PRL: variants seen among roughly 807,000 people sequenced by gnomAD.
PRL encodes the protein prolactin.
PRL carries 24 observed loss-of-function variants against 21.3 expected under a neutral mutation model. The observed-to-expected ratio is 1.13, with a 90% CI of 0.82 to 1.59. The LOEUF (loss-of-function observed/expected upper bound fraction) is 1.59, where lower values mean the gene tolerates loss of function less well. Ranked by LOEUF, PRL falls within the 40% of genes most tolerant of loss-of-function variation. PRL has a pLI of 0.00. For synonymous variants in PRL, 118 were observed against 115.7 expected (o/e 1.02, Z -0.13); for missense variants, 243 against 286.9 (o/e 0.85, Z 1.10).
chr6:22,292,507 T>C (rs957642504), intron 3 of PRL, 31 bp downstream of exon 3: 4 of 1,593,568 alleles, frequency 2.5e-6, no homozygotes, highest in Middle Eastern at 1.7e-4. Context: ...GCCTTGGTTG[T>C]TTTGGTGCAA....
At chr6:22,297,079 T>G (rs1365108415), upstream of PRL, 19 of 1,255,978 alleles carry the variant, frequency 1.5e-5, no homozygotes, top group Non-Finnish European at 1.9e-5. Context: ...ACCTTTGATA[T>G]CTTCATGAAT....
At chr6:22,302,188 G>A (rs553787778), upstream of PRL, among the ~76,000 whole-genome samples, 2 of 152,180 alleles carry the variant, frequency 1.3e-5, no homozygotes, top group East Asian at 1.9e-4. Context: ...TTCAACAAAT[G>A]ATGCAAAGTT....
At chr6:22,296,073 T>C (rs1426563117) in intron 1 of PRL, among the ~76,000 whole-genome samples, 1 of 152,236 alleles carries the variant, frequency 6.6e-6, no homozygotes, top group African/African-American at 2.4e-5. Flanking sequence ...ATTTTATCTG[T>C]ATGTGTAAAT....
At chr6:22,298,367 C>G (rs2113519005), upstream of PRL, among the ~76,000 whole-genome samples, 1 of 152,302 alleles carries the variant, frequency 6.6e-6, no homozygotes, top group South Asian at 2.1e-4. Context: ...GTCCATGCAT[C>G]TAAAGCAGCC....
At chr6:22,292,873 C>T (rs1761084869) in intron 2 of PRL, among the ~76,000 whole-genome samples, 1 of 152,034 alleles carries the variant, frequency 6.6e-6, no homozygotes, top group Non-Finnish European at 1.5e-5. Flanking sequence ...AATGTTTTTC[C>T]TTCTTTGCAA....
At chr6:22,290,106 AT>A in intron 4 of PRL, 67 bp downstream of exon 4, 1 of 1,360,952 alleles carries the variant, frequency 7.3e-7, no homozygotes, top group Non-Finnish European at 9.7e-7. Flanking sequence ...AAAGGGAAAT[AT>A]TTATCATCAC....
At chr6:22,298,021 G>C (rs1761213079), upstream of PRL, among the ~76,000 whole-genome samples, 1 of 152,180 alleles carries the variant, frequency 6.6e-6, no homozygotes, top group Non-Finnish European at 1.5e-5. Context: ...TGATTTAAGA[G>C]TTTATTTTGG....
chr6:22,290,243 T>G lies in PRL; in HGVS notation c.423A>C (p.Leu141=). The G allele has an allele frequency of 6.2e-7, 1 of 1,613,054 alleles. No homozygotes were observed. Among genetic ancestry groups the G allele is most frequent in the Non-Finnish European group, 8.5e-7 (1 of 1,179,164 alleles). ...RGMQEAPEAI[L]SKAVEIEEQT... is the part of the protein sequence containing the mutation. ...GCTCCTCAATCTCTACAGCTTTGGA[T>G]AGGATAGCCTCCGGGGCTTCTTGCA... Residue 141 remains leucine (L), a synonymous_variant, in exon 4 of 5, where the codon CTA becomes CTC. Transcript: ENST00000306482.
upstream of PRL, among the ~76,000 whole-genome samples, chr6:22,299,636 C>T (rs887335026): frequency 4.6e-5 from 7 of 152,044 alleles, no homozygotes; most frequent in Non-Finnish European, 1.0e-4. Flanking sequence ...ATCAGGAGTT[C>T]GACACCAGTC....
upstream of PRL, among the ~76,000 whole-genome samples, chr6:22,300,781 T>C (rs900480215): frequency 2.0e-5 from 3 of 152,250 alleles, no homozygotes; most frequent in South Asian, 2.1e-4. Context: ...AAGAAAACCA[T>C]AGTGGAAGCA....
chr6:22,294,719 G>C (rs368927666), intron 1 of PRL, 135 bp from the exon 2 acceptor site: 1 of 938,640 alleles, frequency 1.1e-6, no homozygotes, highest in South Asian at 1.8e-5. Context: ...TGGCTGGGAT[G>C]GGGGAAGAAC....
chr6:22,301,945 T>A (rs1322434404), upstream of PRL, among the ~76,000 whole-genome samples: 1 of 152,134 alleles, frequency 6.6e-6, no homozygotes, highest in Non-Finnish European at 1.5e-5. Flanking sequence ...TTTTAAATGA[T>A]ATATGGGAAT....
In PRL at chr6:22,288,901, T is replaced by C. The variant is rs571466185; in HGVS notation, c.492+1273A>G. Reference sequence around the variant, plus strand: ...GCGCGTGCGCGTGTGTGTGCGTGTGTGCGCGCGCGTGTGTGTGCGTGCGCG... The same window carrying C: ...GCGCGTGCGCGTGTGTGTGCGTGTGCGCGCGCGCGTGTGTGTGCGTGCGCG... On this transcript the variant is annotated intron_variant, in intron 4 of 4. Coordinates refer to ENST00000306482, the MANE Select transcript of PRL (RefSeq NM_000948.6). This position sits in a 1 kb window ranked among gnomAD's most constrained non-coding sequence, Gnocchi z 4.5. Among the ~76,000 whole-genome samples, 85 of 149,776 alleles carry C rather than the reference T, an allele frequency of 5.7e-4. No homozygotes were observed. The highest frequency in any genetic ancestry group is 1.9e-3 in the African/African-American group (76 of 39,492).
chr6:22,290,041 TCTTG>T, intron 4 of PRL, 129 bp downstream of exon 4: 2 of 785,708 alleles, frequency 2.5e-6, no homozygotes, highest in Non-Finnish European at 3.6e-6. Context: ...ATGACTAGGC[TCTTG>T]CTTTATTTAA....
chr6:22,302,344 G>A (rs925003370), upstream of PRL, among the ~76,000 whole-genome samples: 1 of 151,210 alleles, frequency 6.6e-6, no homozygotes, highest in Admixed American at 6.6e-5. Flanking sequence ...AAAAGGATAT[G>A]TAGGCAACAA....
chr6:22,300,580 G>A (rs151116531), upstream of PRL, among the ~76,000 whole-genome samples: 250 of 152,234 alleles, frequency 1.6e-3, 2 homozygotes, highest in African/African-American at 5.8e-3. Flanking sequence ...CTCTTTGCTC[G>A]TTTAAACTCT....
At chr6:22,291,365 A>G (rs1041654583) in intron 3 of PRL, among the ~76,000 whole-genome samples, 1 of 152,222 alleles carries the variant, frequency 6.6e-6, no homozygotes, top group Non-Finnish European at 1.5e-5. Context: ...TGACTGGTGC[A>G]AATTCCATAA....
chr6:22,291,121 C>T (rs1761040714), intron 3 of PRL: 1 of 152,242 alleles, frequency 6.6e-6, no homozygotes, highest in Admixed American at 6.5e-5. Context: ...ATTTAAAATG[C>T]TTACTTTGTA....
chr6:22,302,804 G>A (rs1761305871), exon 1 of PRL, among the ~76,000 whole-genome samples: 1 of 152,044 alleles, frequency 6.6e-6, no homozygotes, highest in Non-Finnish European at 1.5e-5. Context: ...CTGTCTTTGA[G>A]GGTACTTCTG....
Sources: allele counts gnomAD v4.1 joint callset (sites outside exome capture counted in the v4.1 genomes callset), GRCh38; gene constraint gnomAD v4.1.1; non-coding constraint Gnocchi (gnomAD v3.1); transcripts MANE v1.5; gene names NCBI Gene and HGNC (gene_info 2026-07-23, HGNC 2026-07-21).